DENND5B: variants seen among roughly 807,000 people sequenced by gnomAD.
DENND5B encodes DENN domain containing 5B, also known as DENN domain-containing protein 5B.
A neutral mutation model predicts 140.6 loss-of-function variants in DENND5B; 34 were observed. The ratio of observed to expected loss-of-function variants is 0.24; its 90% CI spans 0.18 to 0.32. The LOEUF (loss-of-function observed/expected upper bound fraction) is 0.32, where lower values mean the gene tolerates loss of function less well. Among genes scored for constraint, DENND5B ranks in the 10% least tolerant of loss-of-function variants. The pLI, the probability that DENND5B is intolerant of heterozygous loss-of-function variation, is 1.00. For missense variants in DENND5B, 1,142 were observed against 1,560.2 expected, an observed-to-expected ratio of 0.73 and a Z score of 4.52; for synonymous variants, 551 against 562.1, an observed-to-expected ratio of 0.98 and a Z score of 0.28.
chr12:31,576,124 G>C (rs1950006766), intron 1 of DENND5B, among the ~76,000 whole-genome samples: 1 of 135,086 alleles, frequency 7.4e-6, no homozygotes, highest in African/African-American at 2.9e-5. Flanking sequence ...CCGTGTGACA[G>C]AGCAAGGCTC....
At chr12:31,447,268 T>TCAAAAA (rs750640976) in intron 6 of DENND5B, among the ~76,000 whole-genome samples, 9 of 152,054 alleles carry the variant, frequency 5.9e-5, no homozygotes, top group East Asian at 3.9e-4. Context: ...GAGAACCATC[T>TCAAAAA]CAAAAACAAA....
chr12:31,501,126 T>C (rs1250242854), intron 1 of DENND5B, among the ~76,000 whole-genome samples: 1 of 152,150 alleles, frequency 6.6e-6, no homozygotes. Flanking sequence ...TCACCTTGAA[T>C]TGTAGTTCCC....
intron 2 of DENND5B, among the ~76,000 whole-genome samples, chr12:31,480,503 C>T (rs1946026818): frequency 1.3e-5 from 2 of 152,170 alleles, no homozygotes; most frequent in South Asian, 4.1e-4. Flanking sequence ...AGGGGCTTTA[C>T]TAAGAACAAG....
At chr12:31,578,011 C>T (rs2139449465) in intron 1 of DENND5B, among the ~76,000 whole-genome samples, 1 of 151,746 alleles carries the variant, frequency 6.6e-6, no homozygotes, top group East Asian at 1.9e-4. Flanking sequence ...CCTATAGTCC[C>T]AGCTATTTGG....
intron 1 of DENND5B, among the ~76,000 whole-genome samples, chr12:31,542,783 C>T (rs1006850125): frequency 6.6e-5 from 10 of 152,004 alleles, no homozygotes; most frequent in Admixed American, 2.6e-4. Flanking sequence ...TAGCAAAACC[C>T]CATCTCTATG....
intron 17 of DENND5B, among the ~76,000 whole-genome samples, chr12:31,397,640 G>A (rs1295459367): frequency 6.7e-6 from 1 of 148,902 alleles, no homozygotes; most frequent in African/African-American, 2.5e-5. Flanking sequence ...TAAGTTTCAG[G>A]CAAGGCCAGG....
chr12:31,573,321 C>A (rs1949888333), intron 1 of DENND5B, among the ~76,000 whole-genome samples: 1 of 152,052 alleles, frequency 6.6e-6, no homozygotes, highest in South Asian at 2.1e-4. Context: ...AAAAAAACAC[C>A]AATCTCTCGC....
intron 1 of DENND5B, among the ~76,000 whole-genome samples, chr12:31,557,127 C>CA (rs1411690978): frequency 2.6e-5 from 4 of 152,066 alleles, no homozygotes; most frequent in African/African-American, 9.7e-5. Context: ...GTTAAGACAG[C>CA]ATCCATAATG....
At chr12:31,567,661 CA>C (rs1356441379) in intron 1 of DENND5B, among the ~76,000 whole-genome samples, 1 of 151,332 alleles carries the variant, frequency 6.6e-6, no homozygotes, top group Non-Finnish European at 1.5e-5. Flanking sequence ...CTCCTTTGTT[CA>C]AAACCTTTTA....
chr12:31,466,713 A>C (rs1945284282), intron 3 of DENND5B, among the ~76,000 whole-genome samples: 1 of 150,836 alleles, frequency 6.6e-6, no homozygotes, highest in African/African-American at 2.4e-5. Context: ...CAACAACAAC[A>C]ACAAAAAAAA....
intron 7 of DENND5B, among the ~76,000 whole-genome samples, chr12:31,434,008 A>G (rs954110416): frequency 6.6e-6 from 1 of 152,186 alleles, no homozygotes; most frequent in African/African-American, 2.4e-5. Flanking sequence ...AAATAGAAAG[A>G]TTCAAACTCA....
chr12:31,394,778 T>C (rs879739781), intron 17 of DENND5B, among the ~76,000 whole-genome samples: 6 of 152,110 alleles, frequency 3.9e-5, no homozygotes, highest in Non-Finnish European at 7.4e-5. Flanking sequence ...CATGCCCGGC[T>C]AATTTTTTGT....
At chr12:31,563,905 T>A (rs1949550376) in intron 1 of DENND5B, among the ~76,000 whole-genome samples, 1 of 152,118 alleles carries the variant, frequency 6.6e-6, no homozygotes, top group African/African-American at 2.4e-5. Context: ...TCACTTGAAG[T>A]CAGGAGTTCA....
At chr12:31,447,268 T>G (rs2138050703) in intron 6 of DENND5B, among the ~76,000 whole-genome samples, 1 of 152,172 alleles carries the variant, frequency 6.6e-6, no homozygotes, top group East Asian at 1.9e-4. Flanking sequence ...GAGAACCATC[T>G]CAAAAACAAA....
chr12:31,498,633 T>G (rs1288194876), intron 1 of DENND5B, among the ~76,000 whole-genome samples: 1 of 151,970 alleles, frequency 6.6e-6, no homozygotes, highest in Non-Finnish European at 1.5e-5. Context: ...TGGAAGGATA[T>G]TAGGGGAAGA....
chr12:31,450,510 C>T (rs1288957468), intron 5 of DENND5B, among the ~76,000 whole-genome samples: 2 of 152,068 alleles, frequency 1.3e-5, no homozygotes, highest in Non-Finnish European at 2.9e-5. Flanking sequence ...GAGCACACCA[C>T]CATGCCCGGC....
Position 31,390,727 on chromosome 12 carries a change from C to T in DENND5B, c.3467-1229G>A, listed in dbSNP as rs189802520. Among the ~76,000 whole-genome samples, 336 of 148,310 alleles carry T rather than the reference C, an allele frequency of 2.3e-3. 2 individuals carry two copies. Among genetic ancestry groups the T allele is most frequent in the Non-Finnish European group, 2.7e-3 (182 of 66,932 alleles). On this transcript the variant is annotated intron_variant, in intron 19 of 20. Transcript: ENST00000389082. Reference sequence around the variant, plus strand: ...CTGGACAACACAGAGCTAGAGGAATCCTTTTACAAAAATTGGCCAGGCACA... The same window carrying T: ...CTGGACAACACAGAGCTAGAGGAATTCTTTTACAAAAATTGGCCAGGCACA...
Position 31,574,102 on chromosome 12 carries a change from T to TA in DENND5B, c.127+16603dup, listed in dbSNP as rs75982800. 3.2e-3 allele frequency among the ~76,000 whole-genome samples: 449 copies of TA among 141,010 alleles called. 2 individuals are homozygous for TA. The highest frequency in any genetic ancestry group is 3.7e-3 in the Non-Finnish European group (237 of 64,674). 92.5% of individuals were successfully genotyped at this position (141,010 alleles called of 152,430 possible). A position where few individuals can be genotyped will look rare whatever the true frequency, so the allele number is the denominator to read the frequency against. ...CGGTGAGATCTTGTCTCTACAAAAA[T>TA]AAAAAAAAAAATTAGCCAGGTGTGG... is the stretch of plus-strand genomic sequence containing the variant. On this transcript the variant is annotated intron_variant, in intron 1 of 20. Coordinates refer to ENST00000389082, the MANE Select transcript of DENND5B (RefSeq NM_144973.4).
chr12:31,464,914 C>T (rs1945189036), intron 3 of DENND5B: 1 of 152,154 alleles, frequency 6.6e-6, no homozygotes. Flanking sequence ...ATATGACCTA[C>T]TACATGATGA....
Sources: gnomAD v4.1 joint callset for allele counts (sites outside exome capture counted in the v4.1 genomes callset) on GRCh38, gnomAD v4.1.1 for gene constraint, MANE v1.5 for transcripts, NCBI Gene and HGNC (gene_info 2026-07-23, HGNC 2026-07-21) for gene names.